ZBTB20: variants seen among roughly 807,000 people sequenced by gnomAD.
ZBTB20 encodes zinc finger and BTB domain-containing protein 20.
A neutral mutation model predicts 56.9 loss-of-function variants in ZBTB20; 9 were observed. The ratio of observed to expected loss-of-function variants is 0.16; its 90% CI spans 0.10 to 0.28. The LOEUF is 0.28. Ranked by LOEUF, ZBTB20 falls within the 10% of genes least tolerant of loss-of-function variation. The pLI is 1.00. For missense variants in ZBTB20, 655 were observed against 1,003.0 expected (o/e 0.65, Z 4.69); for synonymous variants, 417 against 420.7 (o/e 0.99, Z 0.11).
intron 7 of ZBTB20, among the ~76,000 whole-genome samples, chr3:114,401,562 G>T (rs1482839235): frequency 6.6e-6 from 1 of 152,106 alleles, no homozygotes; most frequent in African/African-American, 2.4e-5. Context: ...TGAAAACATG[G>T]CTGCAGTGTT....
chr3:115,090,488 AT>A (rs1183640766), intron 1 of ZBTB20, among the ~76,000 whole-genome samples: 3 of 151,724 alleles, frequency 2.0e-5, no homozygotes, highest in Non-Finnish European at 4.4e-5. Context: ...TATTATCATT[AT>A]TATTACAGGT....
In ZBTB20 at chr3:114,330,606, G is replaced by A. The variant is rs896315857; in HGVS notation, c.*8399C>T. 1 of 152,058 alleles carries A rather than the reference G, an allele frequency of 6.6e-6. No homozygotes were observed. The highest frequency in any genetic ancestry group is 1.5e-5 in the Non-Finnish European group (1 of 67,986). The allele number at this position is 152,058 out of a possible 1,614,324, so 9.4% of individuals were successfully genotyped here. ...TGGTTACAGTTACAGACTTCTTTTG[G>A]ATATAGAAAGACAATATACATTTTA... On this transcript the variant is annotated 3_prime_UTR_variant, in exon 12 of 12. Transcript: ENST00000675478.
intron 2 of ZBTB20, among the ~76,000 whole-genome samples, chr3:115,065,848 A>AAGGGGATAC (rs1380653536): frequency 5.3e-5 from 8 of 152,202 alleles, no homozygotes; most frequent in Non-Finnish European, 1.2e-4. Context: ...GTGCCTCCTC[A>AAGGGGATAC]AATAGATATC....
chr3:114,657,365 C>G (rs541257577), intron 6 of ZBTB20, among the ~76,000 whole-genome samples: 2 of 152,170 alleles, frequency 1.3e-5, no homozygotes, highest in African/African-American at 2.4e-5. Context: ...ATTTACCAAA[C>G]CCTTCTAACT....
intron 5 of ZBTB20, among the ~76,000 whole-genome samples, chr3:114,711,665 T>C (rs980770449): frequency 1.3e-5 from 2 of 152,212 alleles, no homozygotes; most frequent in African/African-American, 2.4e-5. Context: ...AATGCTGACA[T>C]GGCAATCTTA....
At chr3:114,551,987 A>C (rs1421971987) in intron 6 of ZBTB20, among the ~76,000 whole-genome samples, 1 of 152,178 alleles carries the variant, frequency 6.6e-6, no homozygotes, top group East Asian at 1.9e-4. Flanking sequence ...ATGTGGGGGG[A>C]TCACTTGAGG....
intron 1 of ZBTB20, among the ~76,000 whole-genome samples, chr3:115,079,225 A>C (rs2082705908): frequency 6.6e-6 from 1 of 152,186 alleles, no homozygotes; most frequent in Non-Finnish European, 1.5e-5. Flanking sequence ...GCCTTGAATA[A>C]TCACTCTAGA....
At chr3:114,364,958 C>G (rs1212366343) in intron 10 of ZBTB20, among the ~76,000 whole-genome samples, 2 of 152,160 alleles carry the variant, frequency 1.3e-5, no homozygotes, top group Non-Finnish European at 2.9e-5. Context: ...CCACACAGCA[C>G]AGGCTTTATC....
intron 7 of ZBTB20, among the ~76,000 whole-genome samples, chr3:114,468,966 G>A (rs754428125): frequency 3.7e-5 from 5 of 135,322 alleles, no homozygotes; most frequent in South Asian, 2.4e-4. Flanking sequence ...GCCACATGTG[G>A]ATGCAGATCT....
intron 2 of ZBTB20, among the ~76,000 whole-genome samples, chr3:115,037,527 C>T (rs938344439): frequency 7.9e-5 from 12 of 152,068 alleles, no homozygotes; most frequent in South Asian, 2.1e-4. Flanking sequence ...TCAAATGATC[C>T]GCCAGCCTCG....
At chr3:114,768,812 C>T (rs1251093658) in intron 5 of ZBTB20, among the ~76,000 whole-genome samples, 1 of 152,112 alleles carries the variant, frequency 6.6e-6, no homozygotes, top group African/African-American at 2.4e-5. Flanking sequence ...TAAATGACTT[C>T]ATTAATATCA....
Position 114,947,233 on chromosome 3 carries a change from T to C in ZBTB20, c.-456+27133A>G, listed in dbSNP as rs1056585240. ...TGGGAATGTAAATTACTACAATCACTATAGAAAACAATATGGAGATTTCTC... is the reference window on the plus strand; with the variant it reads ...TGGGAATGTAAATTACTACAATCACCATAGAAAACAATATGGAGATTTCTC... On this transcript the variant is annotated intron_variant, in intron 3 of 11. Transcript: ENST00000675478. Among the ~76,000 whole-genome samples, 35 of 146,266 alleles carry C rather than the reference T, an allele frequency of 2.4e-4. 7 individuals carry two copies. The highest frequency in any genetic ancestry group is 9.7e-4 in the African/African-American group (35 of 36,146).
chr3:114,653,388 A>G (rs527894361), intron 6 of ZBTB20, among the ~76,000 whole-genome samples: 4 of 152,038 alleles, frequency 2.6e-5, no homozygotes, highest in Admixed American at 6.5e-5. Context: ...TATTGAGATC[A>G]TATTTTTCTT....
intron 4 of ZBTB20, among the ~76,000 whole-genome samples, chr3:114,849,865 C>T (rs952647634): frequency 1.3e-5 from 2 of 150,494 alleles, no homozygotes; most frequent in African/African-American, 2.4e-5. Flanking sequence ...TTCTTAATAA[C>T]AGCCCCAAAT....
intron 10 of ZBTB20, among the ~76,000 whole-genome samples, chr3:114,372,163 C>T (rs183872900): frequency 3.5e-4 from 54 of 152,246 alleles, no homozygotes; most frequent in Admixed American, 2.0e-3. Context: ...TGGAGAAGCA[C>T]TAATTTTATA....
At chr3:114,779,896 C>T (rs2069940594) in intron 5 of ZBTB20, among the ~76,000 whole-genome samples, 1 of 152,096 alleles carries the variant, frequency 6.6e-6, no homozygotes, top group Admixed American at 6.5e-5. Context: ...CAATAAACAC[C>T]CCTTGATTAC....
chr3:114,611,960 C>G (rs776164193), intron 6 of ZBTB20, among the ~76,000 whole-genome samples: 5 of 152,188 alleles, frequency 3.3e-5, no homozygotes, highest in Non-Finnish European at 5.9e-5. Context: ...AATCTGGACT[C>G]TGCCTGCCTT....
intron 3 of ZBTB20, among the ~76,000 whole-genome samples, chr3:114,918,736 A>C (rs2075840098): frequency 1.3e-5 from 2 of 152,194 alleles, no homozygotes; most frequent in African/African-American, 4.8e-5. Flanking sequence ...GTGGGATCCA[A>C]GTTGCAAGAC....
chr3:114,913,179 T>C (rs183242091), intron 3 of ZBTB20, among the ~76,000 whole-genome samples: 34 of 152,162 alleles, frequency 2.2e-4, no homozygotes, highest in Admixed American at 7.2e-4. Context: ...ATAGTACTTA[T>C]ACTTATTTAC....
Sources: allele counts gnomAD v4.1 joint callset (sites outside exome capture counted in the v4.1 genomes callset), GRCh38; gene constraint gnomAD v4.1.1; transcripts MANE v1.5; gene names NCBI Gene and HGNC (gene_info 2026-07-23, HGNC 2026-07-21).